The following SLC4A10 variants were observed in gnomAD, a reference collection of about 807,000 sequenced individuals.
SLC4A10 encodes solute carrier family 4 member 10, also known as sodium-driven chloride bicarbonate exchanger.
SLC4A10 carries 42 observed loss-of-function variants against 137.7 expected under a neutral mutation model. That is an observed-to-expected ratio of 0.30 (90% CI 0.24 to 0.39). The LOEUF is 0.39. SLC4A10 is among the 10% of genes least tolerant of loss of function. The probability of loss-of-function intolerance (pLI) is 1.00; values close to 1 mark genes in which losing one functional copy is unlikely to be tolerated. For synonymous variants in SLC4A10, 474 were observed against 464.1 expected (o/e 1.02, Z -0.27); for missense variants, 925 against 1,355.0 (o/e 0.68, Z 4.98).
At chr2:161,727,787 T>G (rs1020898296) in intron 1 of SLC4A10, among the ~76,000 whole-genome samples, 6 of 152,032 alleles carry the variant, frequency 3.9e-5, no homozygotes, top group Admixed American at 3.9e-4. Context: ...AAATCTGACA[T>G]AACAGTTCCA....
At chr2:161,908,314 T>C (rs1684932747) in intron 15 of SLC4A10, among the ~76,000 whole-genome samples, 1 of 151,226 alleles carries the variant, frequency 6.6e-6, no homozygotes, top group Admixed American at 6.6e-5. Flanking sequence ...CTTTAAAAAA[T>C]TCTCAGCAAA....
At chr2:161,751,656 T>G (rs1177705555) in intron 1 of SLC4A10, among the ~76,000 whole-genome samples, 2 of 151,878 alleles carry the variant, frequency 1.3e-5, no homozygotes, top group Non-Finnish European at 3.0e-5. Context: ...GCCATCTTGC[T>G]GGCATCACCA....
At chr2:161,790,823 A>C (rs1383284822) in intron 2 of SLC4A10, among the ~76,000 whole-genome samples, 2 of 152,166 alleles carry the variant, frequency 1.3e-5, no homozygotes, top group Non-Finnish European at 2.9e-5. Flanking sequence ...ACGAACAGAC[A>C]CTTCTCAAAA....
At chr2:161,639,691 C>T (rs908031153) in intron 1 of SLC4A10, among the ~76,000 whole-genome samples, 7 of 152,126 alleles carry the variant, frequency 4.6e-5, no homozygotes, top group Middle Eastern at 3.2e-3. Context: ...AAGTAGAAAG[C>T]TTTTCTTCAG....
At chr2:161,674,658 G>A (rs2040094271) in intron 1 of SLC4A10, among the ~76,000 whole-genome samples, 1 of 152,166 alleles carries the variant, frequency 6.6e-6, no homozygotes, top group Non-Finnish European at 1.5e-5. Flanking sequence ...GGGATCAAGA[G>A]AAGAAATATA....
chr2:161,630,662 T>A (rs2033368854), intron 1 of SLC4A10, among the ~76,000 whole-genome samples: 1 of 151,788 alleles, frequency 6.6e-6, no homozygotes, highest in African/African-American at 2.4e-5. Flanking sequence ...TCTCTATTAC[T>A]AGCATAGCAT....
chr2:161,651,590 G>T (rs894290529), intron 1 of SLC4A10, among the ~76,000 whole-genome samples: 1 of 152,168 alleles, frequency 6.6e-6, no homozygotes, highest in African/African-American at 2.4e-5. Context: ...GCGGTTTCTG[G>T]CATCTTTAAG....
intron 3 of SLC4A10, among the ~76,000 whole-genome samples, chr2:161,817,586 T>A (rs1005128657): frequency 3.3e-5 from 5 of 152,178 alleles, no homozygotes; most frequent in Non-Finnish European, 7.3e-5. Context: ...ATTGCCTAGG[T>A]TTTCTTCTAG....
At chr2:161,631,601 A>G (rs535954564) in intron 1 of SLC4A10, among the ~76,000 whole-genome samples, 11 of 151,808 alleles carry the variant, frequency 7.2e-5, no homozygotes, top group Admixed American at 7.2e-4. Flanking sequence ...GGTGCATTTT[A>G]TGTACCAGAG....
rs755059131 is a variant in SLC4A10, at chr2:161,942,854, A to G, written c.2060A>G (p.Asn687Ser). Residue 687 changes from asparagine to serine, a missense_variant, in exon 16 of 27, where the codon AAT becomes AGT. Physicochemically the swap from Asn to Ser is conservative, Grantham distance 46 (BLOSUM62 1). Transcript: ENST00000446997. ...NGTLKEWRES[N>S]ISASDIIWEN... ...ACATTGAAGGAATGGAGGGAATCCA[A>G]TATTTCTGCCTCTGACATAATTTGG... 6 of 1,604,634 alleles carry G rather than the reference A, an allele frequency of 3.7e-6. No homozygotes were observed. The highest frequency in any genetic ancestry group is 3.4e-5 in the South Asian group (3 of 88,940).
rs573598380 is a variant in SLC4A10 at position 161,904,217 on chromosome 2, C to G, written c.1617+39C>G. ...TTTTCTCTGAACTTTGAAACATAATCCATTTTTAAGATTCATAGTTAGATA... is the reference window on the plus strand; with the variant it reads ...TTTTCTCTGAACTTTGAAACATAATGCATTTTTAAGATTCATAGTTAGATA... On this transcript the variant is annotated intron_variant, in intron 13 of 26. Coordinates refer to ENST00000446997, the MANE Select transcript of SLC4A10 (RefSeq NM_001178015.2). 2.6e-6 allele frequency: 4 copies of G among 1,537,142 alleles called. No homozygotes were observed. In the East Asian group the frequency reaches 6.9e-5, roughly 27 times the overall value.
At chr2:161,700,082 G>A (rs924069641) in intron 1 of SLC4A10, among the ~76,000 whole-genome samples, 1 of 152,100 alleles carries the variant, frequency 6.6e-6, no homozygotes, top group Non-Finnish European at 1.5e-5. Context: ...CAAAACTTGA[G>A]GCCTTAAAAC....
intron 15 of SLC4A10, among the ~76,000 whole-genome samples, chr2:161,922,240 G>T (rs1253654639): frequency 6.6e-6 from 1 of 152,128 alleles, no homozygotes. Flanking sequence ...AATGGAGAGA[G>T]TATTTAAATT....
At chr2:161,823,786 C>A (rs1456504773) in intron 3 of SLC4A10, among the ~76,000 whole-genome samples, 1 of 152,156 alleles carries the variant, frequency 6.6e-6, no homozygotes, top group Non-Finnish European at 1.5e-5. Context: ...GTTTTTAAAG[C>A]AGACGAAAGT....
intron 15 of SLC4A10, among the ~76,000 whole-genome samples, chr2:161,937,112 T>C (rs1691715804): frequency 6.6e-6 from 1 of 152,164 alleles, no homozygotes; most frequent in Non-Finnish European, 1.5e-5. Flanking sequence ...TGTTGAGGAG[T>C]ATGTTGTTTA....
chr2:161,964,846 A>G (rs941238441), intron 22 of SLC4A10, among the ~76,000 whole-genome samples: 1 of 152,160 alleles, frequency 6.6e-6, no homozygotes, highest in African/African-American at 2.4e-5. Context: ...ATTGGTTAAA[A>G]TCATAGTCAT....
At chr2:161,662,382 G>A (rs1326782976) in intron 1 of SLC4A10, among the ~76,000 whole-genome samples, 2 of 152,056 alleles carry the variant, frequency 1.3e-5, no homozygotes, top group African/African-American at 4.8e-5. Flanking sequence ...TCTCTCTAAG[G>A]AGATGCAGGA....
intron 1 of SLC4A10, among the ~76,000 whole-genome samples, chr2:161,657,580 A>G (rs975731189): frequency 5.9e-5 from 9 of 152,042 alleles, no homozygotes; most frequent in African/African-American, 1.9e-4. Context: ...GCAAATGTTC[A>G]TAACTGGGAA....
chr2:161,936,978 C>A (rs1049046535), intron 15 of SLC4A10, among the ~76,000 whole-genome samples: 1 of 152,060 alleles, frequency 6.6e-6, no homozygotes. Flanking sequence ...CATGAACTTT[C>A]CTCTTAGAAC....
Sources: allele counts gnomAD v4.1 joint callset (sites outside exome capture counted in the v4.1 genomes callset), GRCh38; gene constraint gnomAD v4.1.1; transcripts MANE v1.5; gene names NCBI Gene and HGNC (gene_info 2026-07-23, HGNC 2026-07-21).